The following SCGB2A2 variants were observed in gnomAD, a reference collection of about 807,000 sequenced individuals.
SCGB2A2 encodes secretoglobin family 2A member 2.
A neutral mutation model predicts 8.8 loss-of-function variants in SCGB2A2; 11 were observed. That is an observed-to-expected ratio of 1.25 (90% CI 0.79 to 2.07). SCGB2A2 has a LOEUF of 2.07. Among genes scored for constraint, SCGB2A2 ranks in the 30% most tolerant of loss-of-function variants. SCGB2A2 has a pLI of 0.00. For missense variants in SCGB2A2, 113 were observed against 109.9 expected (o/e 1.03, Z -0.13); for synonymous variants, 42 against 40.9 (o/e 1.03, Z -0.10).
chr11:62,272,647 CTTTT>C (rs71886885), intron 2 of SCGB2A2, among the ~76,000 whole-genome samples: 31 of 94,442 alleles, frequency 3.3e-4, no homozygotes, highest in African/African-American at 1.2e-3. Context: ...CAAAGTTTCA[CTTTT>C]TTTTTTTTTT....
chr11:62,273,057 G>A lies in SCGB2A2; in HGVS notation c.*62G>A. The stretch of plus-strand genomic sequence containing the variant: ...TATGGTGAGAAACCAACTACGGATT[G>A]CTGCAAACCACACCTTCTCTTTCTT... On this transcript the variant is annotated 3_prime_UTR_variant, in exon 3 of 3. Transcript: ENST00000227918. 1 of 1,194,724 alleles carries A rather than the reference G, an allele frequency of 8.4e-7. No homozygotes were observed. Among genetic ancestry groups the A allele is most frequent in the Non-Finnish European group, 1.2e-6 (1 of 825,434 alleles). The allele number at this position is 1,194,724 out of a possible 1,614,324, so 74.0% of individuals were successfully genotyped here.
Position 62,272,968 on chromosome 11 carries a change from T to A in SCGB2A2, c.255T>A (p.Tyr85Ter), listed in dbSNP as rs773231231. The A allele has an allele frequency of 1.9e-6, 3 of 1,608,516 alleles. No individual in the cohort carries two copies. The highest frequency in any genetic ancestry group is 2.5e-6 in the Non-Finnish European group (3 of 1,177,270). The change falls in exon 3 of 3, where the codon TAT (tyrosine) becomes TAA (stop). Residue 85 changes from tyrosine to a stop codon, truncating the protein, a stop_gained. Transcript: ENST00000227918. LOFTEE classifies it low-confidence loss of function (END_TRUNC). ...TTTTTGCTTTCTAGCAATTAATATA[T>A]GACAGCAGTCTTTGTGATTTATTTT... ...SNVEVFMQLI[Y>*]DSSLCDLF
At chr11:62,270,720 G>A (rs1945270596) in intron 1 of SCGB2A2, among the ~76,000 whole-genome samples, 161 bp from the exon 2 acceptor site, 1 of 152,300 alleles carries the variant, frequency 6.6e-6, no homozygotes, top group East Asian at 1.9e-4. Context: ...GGAAATCCCA[G>A]AGCCTGAGGT....
At chr11:62,271,754 T>G (rs752422842) in intron 2 of SCGB2A2, 270 of 986,154 alleles carry the variant, frequency 2.7e-4, no homozygotes, top group Non-Finnish European at 3.1e-4. Flanking sequence ...AATGCCCTAT[T>G]TTTCAACAGT....
chr11:62,270,196 A>G lies in SCGB2A2; in HGVS notation c.-21A>G. 6.2e-7 allele frequency: 1 copy of G among 1,613,658 alleles called. No homozygotes were observed. On this transcript the variant is annotated 5_prime_UTR_variant, in exon 1 of 3. Coordinates refer to ENST00000227918, the MANE Select transcript of SCGB2A2 (RefSeq NM_002411.4). Reference sequence around the variant, plus strand: ...TGATCCTTGCCACCCGCGACTGAACACCGACAGCAGCAGCCTCACCATGAA... The same window carrying G: ...TGATCCTTGCCACCCGCGACTGAACGCCGACAGCAGCAGCCTCACCATGAA...
At chr11:62,272,012 A>G (rs1433466183) in intron 2 of SCGB2A2, 1 of 337,898 alleles carries the variant, frequency 3.0e-6, no homozygotes, top group Non-Finnish European at 4.0e-6. Flanking sequence ...TTTATTCCCT[A>G]TGTTAAATTC....
At position 62,271,031 on chromosome 11, in the gene SCGB2A2, A is replaced by G. The variant is rs1275741014; in HGVS notation, c.206A>G (p.Gln69Arg). 6.2e-7 allele frequency: 1 copy of G among 1,614,258 alleles called. No individual in the cohort carries two copies. The highest frequency in any genetic ancestry group is 8.5e-7 in the Non-Finnish European group (1 of 1,180,038). Reference sequence around the variant, plus strand: ...GAATTGAAGGAATGTTTTCTTAACCAAACGGATGAAACTCTGAGCAATGTT... The same window carrying G: ...GAATTGAAGGAATGTTTTCTTAACCGAACGGATGAAACTCTGAGCAATGTT... ...IDELKECFLNQTDETLSNVEV... is the reference protein window; with the variant it reads ...IDELKECFLNRTDETLSNVEV... The change falls in exon 2 of 3, where the codon CAA becomes CGA. Residue 69 changes from glutamine to arginine, a missense_variant. Physicochemically the swap from Gln to Arg is conservative, Grantham distance 43. Transcript: ENST00000227918.
Position 62,273,137 on chromosome 11 carries a change from A to G in SCGB2A2, c.*142A>G. ...TTGTTGAAACCTGCTATACATGTTTATTTTAATAAATTGATGGCAAAAACT... is the reference window on the plus strand; with the variant it reads ...TTGTTGAAACCTGCTATACATGTTTGTTTTAATAAATTGATGGCAAAAACT... On this transcript the variant is annotated 3_prime_UTR_variant, in exon 3 of 3. Coordinates refer to ENST00000227918, the MANE Select transcript of SCGB2A2 (RefSeq NM_002411.4). The G allele has an allele frequency of 1.8e-6, 1 of 549,462 alleles. No homozygotes were observed. Among genetic ancestry groups the G allele is most frequent in the Non-Finnish European group, 3.1e-6 (1 of 319,694 alleles). The allele number at this position is 549,462 out of a possible 1,614,324, so 34.0% of individuals were successfully genotyped here. A position where few individuals can be genotyped will look rare whatever the true frequency, so the allele number is the denominator to read the frequency against.
rs368704850 is a variant in SCGB2A2 at position 62,270,231 on chromosome 11, G to A, written c.15G>A (p.Met5Ile). 1.2e-5 allele frequency: 20 copies of A among 1,613,812 alleles called. No homozygotes were observed. The highest frequency in any genetic ancestry group is 1.6e-5 in the Non-Finnish European group (19 of 1,179,972). ...GCAGCCTCACCATGAAGTTGCTGAT[G>A]GTCCTCATGCTGGCGGCCCTCTCCC... MKLL[M>I]VLMLAALSQH... is the part of the protein sequence containing the mutation. The change falls in exon 1 of 3, where the codon ATG becomes ATA. Residue 5 changes from methionine (M) to isoleucine (I), a missense_variant. Physicochemically the swap from Met to Ile is conservative, Grantham distance 10. Coordinates refer to ENST00000227918, the MANE Select transcript of SCGB2A2 (RefSeq NM_002411.4).
chr11:62,271,241 T>G (rs1945276557), intron 2 of SCGB2A2, 173 bp downstream of exon 2: 5 of 1,498,590 alleles, frequency 3.3e-6, no homozygotes, highest in Non-Finnish European at 4.4e-6. Context: ...ACATCCAGTG[T>G]CCCTGTGTTG....
Position 62,272,380 on chromosome 11 carries a change from C to T in SCGB2A2, c.244-577C>T, listed in dbSNP as rs900074538. ...TCTGGAGTTAGGTTGCACAACCACA[C>T]GAATATACAGAACACTCCGAACTGT... On this transcript the variant is annotated intron_variant, in intron 2 of 2. Transcript: ENST00000227918. 6.6e-5 allele frequency among the ~76,000 whole-genome samples: 10 copies of T among 151,966 alleles called. No homozygotes were observed. The South Asian group carries it at 1.0e-3, about 16-fold the overall frequency.
At chr11:62,270,622 T>C (rs1945269786) in intron 1 of SCGB2A2, among the ~76,000 whole-genome samples, 1 of 152,240 alleles carries the variant, frequency 6.6e-6, no homozygotes, top group African/African-American at 2.4e-5. Flanking sequence ...GAGTGTTTCA[T>C]TTCTCAAGTC....
At chr11:62,272,569 G>T (rs944450607) in intron 2 of SCGB2A2, among the ~76,000 whole-genome samples, 4 of 151,882 alleles carry the variant, frequency 2.6e-5, no homozygotes, top group Admixed American at 2.0e-4. Flanking sequence ...GCACAATGGT[G>T]GTGGCAGAGG....
At chr11:62,271,901 G>T (rs895074126) in intron 2 of SCGB2A2, 2 of 983,544 alleles carry the variant, frequency 2.0e-6, no homozygotes, top group Admixed American at 1.2e-4. Flanking sequence ...TAGATCATGG[G>T]TATGAAACCA....
intron 2 of SCGB2A2, 95 bp from the exon 3 acceptor site, chr11:62,272,862 C>A: frequency 2.2e-6 from 2 of 902,040 alleles, no homozygotes; most frequent in Non-Finnish European, 3.4e-6. Context: ...TGGTTGTGGG[C>A]AAACCGTGGA....
intron 2 of SCGB2A2, chr11:62,271,811 G>T: frequency 2.0e-6 from 2 of 984,630 alleles, no homozygotes; most frequent in Non-Finnish European, 2.4e-6. Context: ...CAAATAAAAA[G>T]AATTTAAAAT....
At chr11:62,271,713 CAA>C in intron 2 of SCGB2A2, 1 of 985,154 alleles carries the variant, frequency 1.0e-6, no homozygotes, top group South Asian at 4.7e-5. Context: ...TTCTCTTCTT[CAA>C]AAAAAAGTAA....
intron 2 of SCGB2A2, chr11:62,271,951 T>C: frequency 1.1e-6 from 1 of 944,698 alleles, no homozygotes; most frequent in Non-Finnish European, 1.3e-6. Context: ...ACCAATAGTT[T>C]TGTATTTCTT....
At chr11:62,272,042 TA>T (rs71053028) in intron 2 of SCGB2A2, 2,484 of 214,712 alleles carry the variant, frequency 0.012, 4 homozygotes, top group African/African-American at 0.016. Flanking sequence ...CCTTCCCTGG[TA>T]AAAAAAAAAA....
Sources: gnomAD v4.1 joint callset for allele counts (sites outside exome capture counted in the v4.1 genomes callset) on GRCh38, gnomAD v4.1.1 for gene constraint, MANE v1.5 for transcripts, NCBI Gene and HGNC (gene_info 2026-07-23, HGNC 2026-07-21) for gene names.